SRSF6: variants seen among roughly 807,000 people sequenced by gnomAD.
The protein encoded by SRSF6 is serine and arginine rich splicing factor 6, also known as serine/arginine-rich splicing factor 6.
Under a neutral mutation model 42.0 loss-of-function variants are expected in SRSF6, and 17 were observed. That is an observed-to-expected ratio of 0.40 (90% confidence interval 0.28 to 0.61). The LOEUF is 0.61. SRSF6 is among the 20% of genes least tolerant of loss of function. SRSF6 has a pLI of 0.37. For synonymous variants in SRSF6, 204 were observed against 166.7 expected, an observed-to-expected ratio of 1.22 and a Z score of -1.72; for missense variants, 379 against 471.4, an observed-to-expected ratio of 0.80 and a Z score of 1.81.
At position 43,463,893 on chromosome 20, in the gene SRSF6, A is replaced by C. The variant is rs890834015; in HGVS notation, c.*2830A>C. On this transcript the variant is annotated 3_prime_UTR_variant, in exon 6 of 6. Coordinates refer to ENST00000244020, the MANE Select transcript of SRSF6 (RefSeq NM_006275.6). ...ACAGTACAAGAGAGTACCATAACAAATACAATTTTATTTACAAATATACAT... is the reference window on the plus strand; with the variant it reads ...ACAGTACAAGAGAGTACCATAACAACTACAATTTTATTTACAAATATACAT... 5.3e-5 allele frequency: 8 copies of C among 152,240 alleles called. No homozygotes were observed. The highest frequency in any genetic ancestry group is 1.2e-4 in the Non-Finnish European group (8 of 68,034). The allele number at this position is 152,240 out of a possible 1,614,324, so 9.4% of individuals were successfully genotyped here. A position where few individuals can be genotyped will look rare whatever the true frequency, so the allele number is the denominator to read the frequency against.
rs1250139972 is a variant in SRSF6 at position 43,461,973 on chromosome 20, TA to T, written c.*911del. On this transcript the variant is annotated 3_prime_UTR_variant, in exon 6 of 6. Transcript: ENST00000244020. The stretch of plus-strand genomic sequence containing the variant: ...AATGTTTGTCATGTGGAAATGGAAG[TA>T]GCCTCTTTTTGTTCTGAAATTGAGT... The T allele has an allele frequency of 2.0e-5, 3 of 152,196 alleles. No individual in the cohort carries two copies. Among genetic ancestry groups the T allele is most frequent in the Non-Finnish European group, 4.4e-5 (3 of 68,028 alleles). 9.4% of individuals were successfully genotyped at this position (152,196 alleles called of 1,614,324 possible).
chr20:43,458,628 C>A, intron 2 of SRSF6, 119 bp downstream of exon 2: 1 of 1,050,252 alleles, frequency 9.5e-7, no homozygotes, highest in African/African-American at 1.7e-5. Flanking sequence ...TTGGGTGTCC[C>A]CGAGCCCCGC....
chr20:43,460,369 T>G, intron 4 of SRSF6, 128 bp downstream of exon 4: 1 of 1,343,096 alleles, frequency 7.4e-7, no homozygotes, highest in East Asian at 2.4e-5. Flanking sequence ...TGTGCATCAT[T>G]GCGTTCTTTT....
In SRSF6 at chr20:43,458,357, CT is replaced by C. The variant is rs1325194076; in HGVS notation, c.108-3del. On this transcript the variant is annotated splice_region_variant and splice_polypyrimidine_tract_variant and intron_variant, in intron 1 of 5. Coordinates refer to ENST00000244020, the MANE Select transcript of SRSF6 (RefSeq NM_006275.6). The stretch of plus-strand genomic sequence containing the variant: ...CGGTTGTCCGGCCCTCGCACCGCCC[CT>C]AGGTACGGCTTCGTGGAGTTCGAGG... 4 of 1,548,522 alleles carry C rather than the reference CT, an allele frequency of 2.6e-6. No individual in the cohort carries two copies. Among genetic ancestry groups the C allele is most frequent in the Non-Finnish European group, 3.5e-6 (4 of 1,151,252 alleles).
chr20:43,461,212 A>G lies in SRSF6; in HGVS notation c.*149A>G. The G allele has an allele frequency of 1.7e-6, 2 of 1,164,244 alleles. No homozygotes were observed. Among genetic ancestry groups the G allele is most frequent in the Middle Eastern group, 3.0e-4 (1 of 3,282 alleles). The allele number at this position is 1,164,244 out of a possible 1,614,324, so 72.1% of individuals were successfully genotyped here. On this transcript the variant is annotated 3_prime_UTR_variant, in exon 6 of 6. Transcript: ENST00000244020. ...TGATTTGTGGCCAAATTGGATGAAA[A>G]AGATGAGGCTCTAAGGAAATGGTGG...
intron 2 of SRSF6, among the ~76,000 whole-genome samples, chr20:43,458,740 T>G (rs1341853483): frequency 6.6e-6 from 1 of 152,178 alleles, no homozygotes. Flanking sequence ...GTGGGTGGCT[T>G]CTTCTGGCCC....
At position 43,461,094 on chromosome 20, in the gene SRSF6, G is replaced by T; in HGVS notation, c.*31G>T. On this transcript the variant is annotated 3_prime_UTR_variant, in exon 6 of 6. Transcript: ENST00000244020. ...AACTCCTTGTTTGCACATTATTATG[G>T]AACACTTTCCTACTTAGGCAGTTAC... 6.6e-7 allele frequency: 1 copy of T among 1,523,874 alleles called. No individual in the cohort carries two copies. The highest frequency in any genetic ancestry group is 8.8e-7 in the Non-Finnish European group (1 of 1,137,956). The allele number at this position is 1,523,874 out of a possible 1,614,324, so 94.4% of individuals were successfully genotyped here. A position where few individuals can be genotyped will look rare whatever the true frequency, so the allele number is the denominator to read the frequency against.
intron 2 of SRSF6, 63 bp from the exon 3 acceptor site, chr20:43,459,708 T>C: frequency 1.2e-6 from 2 of 1,609,932 alleles, no homozygotes; most frequent in Non-Finnish European, 8.5e-7. Context: ...TGTACTAACT[T>C]TCAAAGACAT....
chr20:43,463,209 A>G lies in SRSF6; in HGVS notation c.*2146A>G, dbSNP rs1371285336. 6.5e-6 allele frequency: 1 copy of G among 154,758 alleles called. No homozygotes were observed. Among genetic ancestry groups the G allele is most frequent in the African/African-American group, 2.4e-5 (1 of 41,476 alleles). 9.6% of individuals were successfully genotyped at this position (154,758 alleles called of 1,614,324 possible). On this transcript the variant is annotated 3_prime_UTR_variant, in exon 6 of 6. Transcript: ENST00000244020. ...CACCCATAATTTTCTAGTAATAGCC[A>G]CGACCAATTTATTAACAGTCAGGGC...
chr20:43,460,393 A>G (rs1247024727), intron 4 of SRSF6, 122 bp from the exon 5 acceptor site: 1 of 1,376,658 alleles, frequency 7.3e-7, no homozygotes, highest in Non-Finnish European at 1.0e-6. Context: ...GATGTTTTGA[A>G]CAGTGTATTT....
intron 2 of SRSF6, chr20:43,459,560 C>G: frequency 4.6e-6 from 6 of 1,296,380 alleles, no homozygotes; most frequent in Non-Finnish European, 6.2e-6. Context: ...CACTCTCTAA[C>G]AGATTGTAGG....
In SRSF6 at chr20:43,460,374, T is replaced by C. The variant is rs1039764824; in HGVS notation, c.590+133T>C. 23 of 1,350,074 alleles carry C rather than the reference T, an allele frequency of 1.7e-5. No individual in the cohort carries two copies. The African/African-American group carries it at 2.5e-4, about 15-fold the overall frequency. 83.6% of individuals were successfully genotyped at this position (1,350,074 alleles called of 1,614,324 possible). A position where few individuals can be genotyped will look rare whatever the true frequency, so the allele number is the denominator to read the frequency against. On this transcript the variant is annotated intron_variant, in intron 4 of 5. Coordinates refer to ENST00000244020, the MANE Select transcript of SRSF6 (RefSeq NM_006275.6). ...TTGTTTTGGCTGTGCATCATTGCGT[T>C]CTTTTCTGGATGTTTTGAACAGTGT...
rs77399104 is a variant in SRSF6 at position 43,463,659 on chromosome 20, T to C, written c.*2596T>C. On this transcript the variant is annotated 3_prime_UTR_variant, in exon 6 of 6. Transcript: ENST00000244020. ...CACTTAGGACCAGATTCTTAACAAATGTTTTTTTGAATTGGAGTTTGCATT... is the reference window on the plus strand; with the variant it reads ...CACTTAGGACCAGATTCTTAACAAACGTTTTTTTGAATTGGAGTTTGCATT... 9.4e-3 allele frequency: 1,434 copies of C among 152,788 alleles called. 11 individuals carry two copies. Among genetic ancestry groups the C allele is most frequent in the Non-Finnish European group, 0.015 (1,019 of 68,036 alleles). The allele number at this position is 152,788 out of a possible 1,614,324, so 9.5% of individuals were successfully genotyped here.
At position 43,458,466 on chromosome 20, in the gene SRSF6, G is replaced by A. The variant is rs941566941; in HGVS notation, c.213G>A (p.Arg71=). 5 of 1,519,086 alleles carry A rather than the reference G, an allele frequency of 3.3e-6. No individual in the cohort carries two copies. Among genetic ancestry groups the A allele is most frequent in the Non-Finnish European group, 3.5e-6 (4 of 1,138,114 alleles). 94.1% of individuals were successfully genotyped at this position (1,519,086 alleles called of 1,614,324 possible). The change falls in exon 2 of 6, where the codon CGG becomes CGA. Residue 71 remains arginine (R), a synonymous_variant. Coordinates refer to ENST00000244020, the MANE Select transcript of SRSF6 (RefSeq NM_006275.6). ...CGERVIVEHA[R]GPRRDRDGYS... is the part of the protein sequence containing the mutation. ...AGCGCGTGATCGTAGAGCACGCCCG[G>A]GGCCCGCGTCGCGATCGCGACGGCT...
rs1266074104 is a variant in SRSF6 at position 43,463,053 on chromosome 20, T to C, written c.*1990T>C. The C allele has an allele frequency of 6.6e-6, 1 of 152,294 alleles. No individual in the cohort carries two copies. Among genetic ancestry groups the C allele is most frequent in the Non-Finnish European group, 1.5e-5 (1 of 67,800 alleles). 9.4% of individuals were successfully genotyped at this position (152,294 alleles called of 1,614,324 possible). On this transcript the variant is annotated 3_prime_UTR_variant, in exon 6 of 6. Transcript: ENST00000244020. ...ATGGGAGGATATTACAGTAAGAAAT[T>C]AGGCTTTCTAAAAGTATGAAACATC...
intron 2 of SRSF6, 48 bp downstream of exon 2, chr20:43,458,557 G>A (rs1031489868): frequency 1.2e-5 from 17 of 1,435,414 alleles, no homozygotes; most frequent in Admixed American, 6.5e-5. Flanking sequence ...CCCTGGGGGC[G>A]GGGGTGGGTG....
chr20:43,458,558 G>GGGGT (rs1160102616), intron 2 of SRSF6, 49 bp downstream of exon 2: 6 of 1,429,388 alleles, frequency 4.2e-6, no homozygotes, highest in Admixed American at 3.3e-5. Flanking sequence ...CCTGGGGGCG[G>GGGGT]GGGTGGGTGG....
At chr20:43,458,317 C>G in intron 1 of SRSF6, 44 bp from the exon 2 acceptor site, 1 of 1,482,566 alleles carries the variant, frequency 6.7e-7, no homozygotes, top group Non-Finnish European at 9.0e-7. Flanking sequence ...CGCGTCCTGG[C>G]TAACGACTCC....
At position 43,463,762 on chromosome 20, in the gene SRSF6, A is replaced by G. The variant is rs1380026997; in HGVS notation, c.*2699A>G. ...CAGAAACGTGAGTTTGGGATTTAGT[A>G]TATGGTTTATGTTGGGCAACTCATT... is the stretch of plus-strand genomic sequence containing the variant. On this transcript the variant is annotated 3_prime_UTR_variant, in exon 6 of 6. Transcript: ENST00000244020. 2 of 152,250 alleles carry G rather than the reference A, an allele frequency of 1.3e-5. No homozygotes were observed. Among genetic ancestry groups the G allele is most frequent in the Admixed American group, 6.5e-5 (1 of 15,290 alleles). The allele number at this position is 152,250 out of a possible 1,614,324, so 9.4% of individuals were successfully genotyped here. A position where few individuals can be genotyped will look rare whatever the true frequency, so the allele number is the denominator to read the frequency against.
Sources: gnomAD v4.1 joint callset for allele counts (sites outside exome capture counted in the v4.1 genomes callset) on GRCh38, gnomAD v4.1.1 for gene constraint, MANE v1.5 for transcripts, NCBI Gene and HGNC (gene_info 2026-07-23, HGNC 2026-07-21) for gene names.